The following ADGRG3 variants were observed in gnomAD, a reference collection of about 807,000 sequenced individuals.
ADGRG3 encodes the protein G protein-coupled receptor 97.
Under a neutral mutation model 54.3 loss-of-function variants are expected in ADGRG3, and 39 were observed. That is an observed-to-expected ratio of 0.72 (90% CI 0.56 to 0.94). The LOEUF is 0.94. ADGRG3 is among the 40% of genes least tolerant of loss of function. ADGRG3 has a pLI of 0.00. For missense variants in ADGRG3, 654 were observed against 694.6 expected, an observed-to-expected ratio of 0.94 and a Z score of 0.66; for synonymous variants, 312 against 290.0, an observed-to-expected ratio of 1.08 and a Z score of -0.77.
rs2048463693 is a variant in ADGRG3 at position 57,685,858 on chromosome 16, G to A, written c.1472G>A (p.Gly491Glu). 6.2e-6 allele frequency: 10 copies of A among 1,614,140 alleles called. No individual in the cohort carries two copies. Among genetic ancestry groups the A allele is most frequent in the Non-Finnish European group, 8.5e-6 (10 of 1,180,034 alleles). The change falls in exon 11 of 12, where the codon GGG becomes GAG. Residue 491 changes from glycine to glutamate, a missense_variant. By Grantham distance (98) the Gly-to-Glu change is moderately conservative. Coordinates refer to ENST00000333493, the MANE Select transcript of ADGRG3 (RefSeq NM_170776.5). Reference protein sequence around the residue: ...GLSSLVGVTWGLAIFTPLGLS... With the variant: ...GLSSLVGVTWELAIFTPLGLS... ...TCGAGCCTGGTGGGTGTGACATGGGGGTTGGCCATCTTCACCCCGTTGGGC... is the reference window on the plus strand; with the variant it reads ...TCGAGCCTGGTGGGTGTGACATGGGAGTTGGCCATCTTCACCCCGTTGGGC...
intron 4 of ADGRG3, chr16:57,678,892 A>G (rs1210525688): frequency 2.5e-5 from 12 of 481,992 alleles, no homozygotes; most frequent in Non-Finnish European, 4.5e-5. Flanking sequence ...TCTTGGCCCC[A>G]TGCCCCCTCT....
At chr16:57,678,493 G>T in intron 4 of ADGRG3, 177 bp downstream of exon 4, 1 of 617,290 alleles carries the variant, frequency 1.6e-6, no homozygotes, top group African/African-American at 1.8e-5. Flanking sequence ...AGAGTCTATG[G>T]TCTTCAGACT....
At chr16:57,678,544 T>C in intron 4 of ADGRG3, 1 of 569,978 alleles carries the variant, frequency 1.8e-6, no homozygotes, top group South Asian at 2.1e-5. Context: ...CCCCCACACA[T>C]GAGTGCCCTT....
intron 8 of ADGRG3, among the ~76,000 whole-genome samples, chr16:57,683,494 C>T (rs181495990): frequency 6.6e-6 from 1 of 152,292 alleles, no homozygotes; most frequent in Admixed American, 6.5e-5. Context: ...GCCACGGGGT[C>T]CCTTTTTTAT....
At chr16:57,675,339 T>C (rs983972812) in intron 2 of ADGRG3, among the ~76,000 whole-genome samples, 2 of 151,214 alleles carry the variant, frequency 1.3e-5, no homozygotes, top group African/African-American at 4.9e-5. Context: ...AAAAAAGAAA[T>C]AGGGCCAGGT....
rs749248972 is a variant in ADGRG3 at position 57,685,797 on chromosome 16, A to T, written c.1411A>T (p.Lys471Ter). The change falls in exon 11 of 12, where the codon AAG becomes TAG. Residue 471 changes from lysine to a stop codon, truncating the protein, a stop_gained. Coordinates refer to ENST00000333493, the MANE Select transcript of ADGRG3 (RefSeq NM_170776.5). LOFTEE classifies it high-confidence loss of function. ...TGCTACAGCGGTCAAGGAGCGGGGG[A>T]AGAACCGGAAGAAGGTGCTCACCCT... ...SRATAVKERG[K>*]NRKKVLTLLG... The T allele has an allele frequency of 1.6e-5, 26 of 1,613,966 alleles. No individual in the cohort carries two copies. The East Asian group carries it at 5.6e-4, about 35-fold the overall frequency.
rs544477431 is a variant in ADGRG3, at chr16:57,689,023, G to C, written c.*562G>C. On this transcript the variant is annotated 3_prime_UTR_variant, in exon 12 of 12. Coordinates refer to ENST00000333493, the MANE Select transcript of ADGRG3 (RefSeq NM_170776.5). ...CCACCCTCCTGGAAGAGACCCCCGT[G>C]TTCAGAGTGCTGGCAGCCCTGCACG... is the stretch of plus-strand genomic sequence containing the variant. The C allele has an allele frequency of 1.3e-5, 2 of 155,486 alleles. No individual in the cohort carries two copies. Among genetic ancestry groups the C allele is most frequent in the African/African-American group, 4.8e-5 (2 of 41,468 alleles). 9.6% of individuals were successfully genotyped at this position (155,486 alleles called of 1,614,324 possible).
At chr16:57,669,207 C>T (rs1398844834) in intron 1 of ADGRG3, among the ~76,000 whole-genome samples, 5 of 152,236 alleles carry the variant, frequency 3.3e-5, no homozygotes, top group Admixed American at 1.3e-4. Flanking sequence ...GCTCCTGACT[C>T]GGTGAGGGGC....
At chr16:57,675,011 A>AAAAAAAAG (rs1228347002) in intron 2 of ADGRG3, among the ~76,000 whole-genome samples, 2 of 78,292 alleles carry the variant, frequency 2.6e-5, no homozygotes, top group African/African-American at 6.8e-5. Context: ...AAAAAAAAAA[A>AAAAAAAAG]AAGCAGCAGC....
chr16:57,678,222 T>C lies in ADGRG3; in HGVS notation c.398T>C (p.Leu133Pro). Residue 133 changes from leucine to proline, a missense_variant, in exon 4 of 12, where the codon CTT (leucine) becomes CCT (proline). Coordinates refer to ENST00000333493, the MANE Select transcript of ADGRG3 (RefSeq NM_170776.5). ...GACAAGCCCCCTGACAGAGTGCGAC[T>C]TCCCAAGAGCCTTTTTCGATCCCTG... ...DEDKPPDRVR[L>P]PKSLFRSLPG... The C allele has an allele frequency of 6.2e-7, 1 of 1,614,212 alleles. No homozygotes were observed. The highest frequency in any genetic ancestry group is 8.5e-7 in the Non-Finnish European group (1 of 1,180,026).
At chr16:57,669,304 C>T (rs1199483791) in intron 1 of ADGRG3, among the ~76,000 whole-genome samples, 1 of 152,268 alleles carries the variant, frequency 6.6e-6, no homozygotes, top group Non-Finnish European at 1.5e-5. Flanking sequence ...AAATAACCCT[C>T]TTCTTTTCAA....
chr16:57,688,129 A>G (rs2048509581), intron 11 of ADGRG3, among the ~76,000 whole-genome samples: 1 of 152,184 alleles, frequency 6.6e-6, no homozygotes, highest in Admixed American at 6.5e-5. Context: ...AGGCATAGGT[A>G]GATATTTTAT....
upstream of ADGRG3, among the ~76,000 whole-genome samples, chr16:57,666,094 AG>A (rs1211269906): frequency 1.3e-5 from 2 of 152,106 alleles, no homozygotes; most frequent in East Asian, 3.9e-4. Context: ...CGGATTGGGC[AG>A]CCCCGGGGGA....
intron 2 of ADGRG3, 99 bp downstream of exon 2, chr16:57,673,567 G>A: frequency 8.5e-7 from 1 of 1,183,238 alleles, no homozygotes; most frequent in Non-Finnish European, 1.2e-6. Flanking sequence ...CCCAGAAAAT[G>A]TTGCTCCCAT....
At position 57,683,971 on chromosome 16, in the gene ADGRG3, G is replaced by A; in HGVS notation, c.921G>A (p.Lys307=). The change falls in exon 9 of 12, where the codon AAG becomes AAA. Residue 307 remains lysine (K), a synonymous_variant. Transcript: ENST00000333493. ...GGTTCAAGTCAGAAGATGCCCCAAAGATCCACGTGGCCCTGGGTGGCAGCC... is the reference window on the plus strand; with the variant it reads ...GGTTCAAGTCAGAAGATGCCCCAAAAATCCACGTGGCCCTGGGTGGCAGCC... ...RERFKSEDAP[K]IHVALGGSLF... is the part of the protein sequence containing the mutation. 1 of 1,586,988 alleles carries A rather than the reference G, an allele frequency of 6.3e-7. No individual in the cohort carries two copies. Among genetic ancestry groups the A allele is most frequent in the Non-Finnish European group, 8.6e-7 (1 of 1,163,836 alleles).
Position 57,688,354 on chromosome 16 carries a change from G to A in ADGRG3, c.1543G>A (p.Val515Ile), listed in dbSNP as rs1193350747. ...CCGAGGCCTCTCCTTCCTAACAGGT[G>A]TCTTCATCTGCTGCTGGTTCACCAT... Reference protein sequence around the residue: ...IFALFNSLQGVFICCWFTILY... With the variant: ...IFALFNSLQGIFICCWFTILY... The change falls in exon 12 of 12, where the codon GTC becomes ATC. Residue 515 changes from valine to isoleucine, a missense_variant and splice_region_variant. Transcript: ENST00000333493. The A allele has an allele frequency of 6.2e-7, 1 of 1,605,522 alleles. No homozygotes were observed. Among genetic ancestry groups the A allele is most frequent in the East Asian group, 2.2e-5 (1 of 44,822 alleles).
chr16:57,669,330 G>A (rs918352638), intron 1 of ADGRG3, among the ~76,000 whole-genome samples: 4 of 152,220 alleles, frequency 2.6e-5, no homozygotes, highest in Non-Finnish European at 5.9e-5. Flanking sequence ...GGAAGATTCA[G>A]TGGAGTGAAT....
intron 11 of ADGRG3, chr16:57,686,804 A>G (rs142368758): frequency 2.6e-5 from 4 of 152,354 alleles, no homozygotes; most frequent in East Asian, 1.9e-4. Context: ...CATGACATGG[A>G]TGGGATCTCC....
chr16:57,666,247 C>T (rs180917366), upstream of ADGRG3, among the ~76,000 whole-genome samples: 3 of 152,280 alleles, frequency 2.0e-5, no homozygotes, highest in East Asian at 1.9e-4. Context: ...GACCCAGCCC[C>T]GTTCCTCCGC....
Sources: gnomAD v4.1 joint callset for allele counts (sites outside exome capture counted in the v4.1 genomes callset) on GRCh38, gnomAD v4.1.1 for gene constraint, MANE v1.5 for transcripts, NCBI Gene and HGNC (gene_info 2026-07-23, HGNC 2026-07-21) for gene names.